Variants in RASAL2 observed in about 807,000 individuals in gnomAD.
RASAL2 encodes the protein ras GTPase-activating protein nGAP.
RASAL2 carries 58 observed loss-of-function variants against 128.9 expected under a neutral mutation model. The observed-to-expected ratio is 0.45, with a 90% CI of 0.36 to 0.56. RASAL2 has a LOEUF of 0.56. Ranked by LOEUF, RASAL2 falls within the 20% of genes least tolerant of loss-of-function variation. RASAL2 has a pLI of 0.00. For synonymous variants in RASAL2, 561 were observed against 580.8 expected (o/e 0.97, Z 0.49); for missense variants, 1,360 against 1,601.6 (o/e 0.85, Z 2.57).
intron 1 of RASAL2, among the ~76,000 whole-genome samples, chr1:178,107,971 G>A (rs1413796121): frequency 6.6e-6 from 1 of 152,088 alleles, no homozygotes; most frequent in African/African-American, 2.4e-5. Flanking sequence ...TATACCTAGG[G>A]GTGGAAATGC....
chr1:178,271,508 C>T (rs1386304548), intron 1 of RASAL2, among the ~76,000 whole-genome samples: 1 of 152,178 alleles, frequency 6.6e-6, no homozygotes, highest in Non-Finnish European at 1.5e-5. Flanking sequence ...TTATGGAGCT[C>T]TTGGAGCAAT....
intron 4 of RASAL2, chr1:178,411,566 T>C (rs1674387045): frequency 6.2e-6 from 4 of 647,876 alleles, no homozygotes; most frequent in South Asian, 3.4e-5. Context: ...AAAAATTTGA[T>C]TTAAAAAAAT....
intron 1 of RASAL2, among the ~76,000 whole-genome samples, chr1:178,174,503 C>G (rs1282674203): frequency 6.6e-6 from 1 of 152,110 alleles, no homozygotes; most frequent in East Asian, 1.9e-4. Context: ...ATATACACTT[C>G]TAAGCAAGAA....
At chr1:178,266,897 A>G (rs1007512267) in intron 1 of RASAL2, among the ~76,000 whole-genome samples, 2 of 152,140 alleles carry the variant, frequency 1.3e-5, no homozygotes, top group African/African-American at 4.8e-5. Flanking sequence ...GTTGCCAGGC[A>G]CATGTGGGGG....
rs1298496549 is a variant in RASAL2 at position 178,474,958 on chromosome 1, G to A, written c.*1719G>A. ...AGGGAGCCATATGCATCAAGTGAGT[G>A]TTTCTCCATAACAGAATATTTATAA... On this transcript the variant is annotated 3_prime_UTR_variant, in exon 18 of 18. Transcript: ENST00000367649. 1 of 152,126 alleles carries A rather than the reference G, an allele frequency of 6.6e-6. No individual in the cohort carries two copies. Among genetic ancestry groups the A allele is most frequent in the Non-Finnish European group, 1.5e-5 (1 of 68,010 alleles). The allele number at this position is 152,126 out of a possible 1,614,324, so 9.4% of individuals were successfully genotyped here. A position where few individuals can be genotyped will look rare whatever the true frequency, so the allele number is the denominator to read the frequency against.
intron 4 of RASAL2, among the ~76,000 whole-genome samples, chr1:178,397,813 CT>C (rs1673343444): frequency 6.7e-6 from 1 of 149,992 alleles, no homozygotes; most frequent in South Asian, 2.1e-4. Context: ...TGGGATCTTG[CT>C]TATGTTGCCC....
intron 1 of RASAL2, among the ~76,000 whole-genome samples, chr1:178,097,174 T>TA (rs757773621): frequency 6.6e-6 from 1 of 152,200 alleles, no homozygotes; most frequent in Non-Finnish European, 1.5e-5. Flanking sequence ...ACTAGAAGCT[T>TA]AGAGTATTGG....
intron 2 of RASAL2, among the ~76,000 whole-genome samples, chr1:178,296,398 C>T (rs1042028732): frequency 6.6e-6 from 1 of 152,106 alleles, no homozygotes; most frequent in African/African-American, 2.4e-5. Context: ...CTCACTCTGT[C>T]ACCCAGGCTG....
chr1:178,135,878 G>A (rs759515576), intron 1 of RASAL2, among the ~76,000 whole-genome samples: 73 of 152,186 alleles, frequency 4.8e-4, no homozygotes, highest in Non-Finnish European at 9.3e-4. Context: ...CTCATGAGAC[G>A]TATTCACTAA....
rs1660636608 is a variant in RASAL2 at position 178,144,145 on chromosome 1, A to C, written c.202+49451A>C. Among the ~76,000 whole-genome samples, 4 of 152,118 alleles carry C rather than the reference A, an allele frequency of 2.6e-5. No homozygotes were observed. In the South Asian group the frequency reaches 8.3e-4, roughly 32 times the overall value. On this transcript the variant is annotated intron_variant, in intron 1 of 17. Coordinates refer to ENST00000367649, the MANE Select transcript of RASAL2 (RefSeq NM_170692.4). ...CTCTTGAGAAGTCACCATGAACTCCATGTTGCTGAGCCCAGTGGACACTTT... is the reference window on the plus strand; with the variant it reads ...CTCTTGAGAAGTCACCATGAACTCCCTGTTGCTGAGCCCAGTGGACACTTT...
chr1:178,210,598 G>A (rs1376928827), intron 1 of RASAL2, among the ~76,000 whole-genome samples: 1 of 152,198 alleles, frequency 6.6e-6, no homozygotes, highest in Non-Finnish European at 1.5e-5. Context: ...TGTTGTTAAA[G>A]TTTGCTTCAG....
intron 3 of RASAL2, among the ~76,000 whole-genome samples, chr1:178,304,125 A>C (rs971106627): frequency 1.3e-5 from 2 of 152,216 alleles, no homozygotes; most frequent in Non-Finnish European, 2.9e-5. Context: ...TTGTACTGTC[A>C]CATAAGTGGT....
chr1:178,438,849 A>C (rs1676424871), intron 5 of RASAL2, among the ~76,000 whole-genome samples: 1 of 149,474 alleles, frequency 6.7e-6, no homozygotes, highest in Admixed American at 6.7e-5. Flanking sequence ...TTTGAAAGAC[A>C]AGGTCTTGTG....
rs5778985 is a variant in RASAL2, at chr1:178,465,818, G to GA, written c.3388-97dup. 0.015 allele frequency: 16,432 copies of GA among 1,127,636 alleles called. 1,626 individuals are homozygous for GA. The African/African-American group carries it at 0.22, about 15-fold the overall frequency. 69.9% of individuals were successfully genotyped at this position (1,127,636 alleles called of 1,614,324 possible). A position where few individuals can be genotyped will look rare whatever the true frequency, so the allele number is the denominator to read the frequency against. On this transcript the variant is annotated intron_variant, in intron 15 of 17. Coordinates refer to ENST00000367649, the MANE Select transcript of RASAL2 (RefSeq NM_170692.4). ...TTCTTTTGTTAAAAAAAAGAAAAAA[G>GA]AAAAAGAAAAAAAGAAAGAAAGAGA...
At chr1:178,332,610 A>G (rs891251669) in intron 3 of RASAL2, among the ~76,000 whole-genome samples, 3 of 143,456 alleles carry the variant, frequency 2.1e-5, no homozygotes, top group Non-Finnish European at 4.5e-5. Flanking sequence ...ATTGTCTCCA[A>G]TTCTTTTTTT....
intron 1 of RASAL2, among the ~76,000 whole-genome samples, chr1:178,103,997 T>TC (rs1659000872): frequency 6.6e-6 from 1 of 151,968 alleles, no homozygotes; most frequent in South Asian, 2.1e-4. Context: ...TCTTTTTTTT[T>TC]CCCCCTCTAC....
chr1:178,116,625 T>C (rs981757602), intron 1 of RASAL2, among the ~76,000 whole-genome samples: 1 of 152,204 alleles, frequency 6.6e-6, no homozygotes, highest in African/African-American at 2.4e-5. Context: ...TTTTATTTTT[T>C]TTGAGACGGA....
At chr1:178,153,588 T>C (rs1660982633) in intron 1 of RASAL2, among the ~76,000 whole-genome samples, 2 of 152,206 alleles carry the variant, frequency 1.3e-5, no homozygotes, top group African/African-American at 2.4e-5. Context: ...ATCTGGCTTC[T>C]TTCACTGAGC....
At chr1:178,363,486 A>G (rs533665897) in intron 3 of RASAL2, among the ~76,000 whole-genome samples, 24 of 152,244 alleles carry the variant, frequency 1.6e-4, no homozygotes, top group Non-Finnish European at 3.5e-4. Flanking sequence ...TTTGCTGTGC[A>G]AAAAAAGGCT....
Sources: gnomAD v4.1 joint callset for allele counts (sites outside exome capture counted in the v4.1 genomes callset) on GRCh38, gnomAD v4.1.1 for gene constraint, MANE v1.5 for transcripts, NCBI Gene and HGNC (gene_info 2026-07-23, HGNC 2026-07-21) for gene names.